The following PLA2G4F variants were observed in gnomAD, a reference collection of about 807,000 sequenced individuals.
The protein encoded by PLA2G4F is cytosolic phospholipase A2 zeta.
A neutral mutation model predicts 103.1 loss-of-function variants in PLA2G4F; 105 were observed. That is an observed-to-expected ratio of 1.02 (90% CI 0.87 to 1.20). PLA2G4F has a LOEUF of 1.20. Ranked by LOEUF, PLA2G4F falls within the 50% of genes most tolerant of loss-of-function variation. The pLI is 0.00. For synonymous variants in PLA2G4F, 468 were observed against 441.1 expected (o/e 1.06, Z -0.76); for missense variants, 1,155 against 1,075.9 (o/e 1.07, Z -1.03).
At chr15:42,152,870 G>A (rs994732386) in intron 6 of PLA2G4F, 116 bp from the exon 7 acceptor site, 134 of 968,294 alleles carry the variant, frequency 1.4e-4, no homozygotes, top group Non-Finnish European at 2.9e-5. Flanking sequence ...ATCCAGGATG[G>A]AGGGAGGGAG....
At position 42,147,435 on chromosome 15, in the gene PLA2G4F, C is replaced by T. The variant is rs538061235; in HGVS notation, c.1197-89G>A. 2,362 of 1,418,792 alleles carry T rather than the reference C, an allele frequency of 1.7e-3. 3 individuals carry two copies. Among genetic ancestry groups the T allele is most frequent in the Non-Finnish European group, 2.2e-3 (2,250 of 1,030,684 alleles). 87.9% of individuals were successfully genotyped at this position (1,418,792 alleles called of 1,614,324 possible). A position where few individuals can be genotyped will look rare whatever the true frequency, so the allele number is the denominator to read the frequency against. On this transcript the variant is annotated intron_variant, in intron 12 of 19. Coordinates refer to ENST00000397272, the MANE Select transcript of PLA2G4F (RefSeq NM_213600.4). Reference sequence around the variant, plus strand: ...AGAGTCTGTGAGTGGCCCTCCACCCCCACCACTTGCACTGCTGCCCTGCAA... The same window carrying T: ...AGAGTCTGTGAGTGGCCCTCCACCCTCACCACTTGCACTGCTGCCCTGCAA...
rs1321838416 is a variant in PLA2G4F, at chr15:42,143,178, A to T, written c.2143-464T>A. On this transcript the variant is annotated intron_variant, in intron 18 of 19. Transcript: ENST00000397272. Reference sequence around the variant, plus strand: ...TGGTGACAGAGTGAGACTCCATCTAAAAAAAAAAAAAAAAAAAAAAAAAAA... The same window carrying T: ...TGGTGACAGAGTGAGACTCCATCTATAAAAAAAAAAAAAAAAAAAAAAAAA... 4.9e-3 allele frequency among the ~76,000 whole-genome samples: 289 copies of T among 59,456 alleles called. 5 individuals are homozygous for T. Among genetic ancestry groups the T allele is most frequent in the African/African-American group, 0.014 (276 of 19,522 alleles). The allele number at this position is 59,456 out of a possible 152,430, so 39.0% of individuals were successfully genotyped here.
In PLA2G4F at chr15:42,155,266, C is replaced by T. The variant is rs566712151; in HGVS notation, c.184+251G>A. 6.6e-5 allele frequency among the ~76,000 whole-genome samples: 10 copies of T among 151,992 alleles called. No homozygotes were observed. In the East Asian group the frequency reaches 1.9e-3, roughly 29 times the overall value. On this transcript the variant is annotated intron_variant, in intron 2 of 19. Transcript: ENST00000397272. ...ATACACACTCGTGTTCCCACACACT[C>T]GCACTCACATGTTTACACCACATAT...
rs377586723 is a variant in PLA2G4F at position 42,151,438 on chromosome 15, G to A, written c.602-661C>T. ...CTTCCCAGCAGCTTTCTGGGGAGGAGGCCAGACCCCAGGGAGAAATGGCTG... is the reference window on the plus strand; with the variant it reads ...CTTCCCAGCAGCTTTCTGGGGAGGAAGCCAGACCCCAGGGAGAAATGGCTG... On this transcript the variant is annotated intron_variant, in intron 7 of 19. Coordinates refer to ENST00000397272, the MANE Select transcript of PLA2G4F (RefSeq NM_213600.4). 4.2e-5 allele frequency: 41 copies of A among 985,310 alleles called. No individual in the cohort carries two copies. In the African/African-American group the frequency reaches 6.8e-4, roughly 16 times the overall value. The allele number at this position is 985,310 out of a possible 1,614,324, so 61.0% of individuals were successfully genotyped here. A position where few individuals can be genotyped will look rare whatever the true frequency, so the allele number is the denominator to read the frequency against.
At chr15:42,149,927 G>A in intron 10 of PLA2G4F, 79 bp from the exon 11 acceptor site, 2 of 1,560,114 alleles carry the variant, frequency 1.3e-6, no homozygotes, top group Non-Finnish European at 1.8e-6. Context: ...CCCAGCCCAG[G>A]TCTTTCACAG....
In PLA2G4F at chr15:42,150,705, G is replaced by A. The variant is rs2140811573; in HGVS notation, c.674C>T (p.Thr225Ile). The change falls in exon 8 of 20, where the codon ACA (threonine) becomes ATA (isoleucine). Residue 225 changes from threonine (T) to isoleucine (I), a missense_variant. By Grantham distance (89) the Thr-to-Ile change is moderately conservative. This residue lies in a region of PLA2G4F where 370 missense variants were observed against 364.9 expected (regional missense o/e 1.01). Transcript: ENST00000397272. ...AAAGGTGGGTGGGAGGCCTGGCTCT[G>A]TGGGAGGCTGCAGGGGCAAGAGCTG... ...KPQLLPLQPP[T>I]EPGLPPTFTF... The A allele has an allele frequency of 6.2e-7, 1 of 1,613,462 alleles. No individual in the cohort carries two copies. The highest frequency in any genetic ancestry group is 8.5e-7 in the Non-Finnish European group (1 of 1,179,832).
At chr15:42,153,105 G>C (rs968079431) in intron 6 of PLA2G4F, among the ~76,000 whole-genome samples, 195 bp downstream of exon 6, 1 of 152,206 alleles carries the variant, frequency 6.6e-6, no homozygotes, top group African/African-American at 2.4e-5. Context: ...GGGAGTAGGA[G>C]GCTGAGGTCC....
chr15:42,142,754 C>A, intron 18 of PLA2G4F, 40 bp from the exon 19 acceptor site: 1 of 1,606,450 alleles, frequency 6.2e-7, no homozygotes, highest in Non-Finnish European at 8.5e-7. Flanking sequence ...TTTCCTCCAC[C>A]CTGGCCACTC....
chr15:42,141,886 C>A lies in PLA2G4F; in HGVS notation c.*98G>T. On this transcript the variant is annotated 3_prime_UTR_variant, in exon 20 of 20. Coordinates refer to ENST00000397272, the MANE Select transcript of PLA2G4F (RefSeq NM_213600.4). ...AGGCAGGTCCTGGAGAGAAGGGAAG[C>A]AGATCCTGCACAGAGTCCCCATCGC... 1 of 1,267,280 alleles carries A rather than the reference C, an allele frequency of 7.9e-7. No individual in the cohort carries two copies. The allele number at this position is 1,267,280 out of a possible 1,614,324, so 78.5% of individuals were successfully genotyped here.
Position 42,141,056 on chromosome 15 carries a change from G to A in PLA2G4F, c.*928C>T. ...AGACCCATTGGATGCATCTGGGAAAGAGGCAAGAGCCCAGGCGAGGCTCCC... is the reference window on the plus strand; with the variant it reads ...AGACCCATTGGATGCATCTGGGAAAAAGGCAAGAGCCCAGGCGAGGCTCCC... On this transcript the variant is annotated 3_prime_UTR_variant, in exon 20 of 20. Transcript: ENST00000397272. The A allele has an allele frequency of 5.7e-6, 2 of 353,172 alleles. No homozygotes were observed. Among genetic ancestry groups the A allele is most frequent in the Non-Finnish European group, 5.6e-6 (1 of 177,356 alleles). 21.9% of individuals were successfully genotyped at this position (353,172 alleles called of 1,614,324 possible).
In PLA2G4F at chr15:42,142,548, A is replaced by T; in HGVS notation, c.2309T>A (p.Phe770Tyr). 4 of 1,613,814 alleles carry T rather than the reference A, an allele frequency of 2.5e-6. No individual in the cohort carries two copies. The highest frequency in any genetic ancestry group is 3.4e-6 in the Non-Finnish European group (4 of 1,179,850). ...VLHFPLVNRT[F>Y]RTHLAPGVER... Reference sequence around the variant, plus strand: ...CTTACCTGGGGCCAGGTGTGTGCGGAAGGTACGGTTAACCAGGGGGAAGTG... The same window carrying T: ...CTTACCTGGGGCCAGGTGTGTGCGGTAGGTACGGTTAACCAGGGGGAAGTG... Residue 770 changes from phenylalanine (F) to tyrosine (Y), a missense_variant, in exon 19 of 20, where the codon TTC (phenylalanine) becomes TAC (tyrosine). Around this residue, in one of 3 missense-constraint regions of PLA2G4F, gnomAD observed 782 missense variants for 692.9 expected, o/e 1.13. Coordinates refer to ENST00000397272, the MANE Select transcript of PLA2G4F (RefSeq NM_213600.4).
Position 42,147,366 on chromosome 15 carries a change from C to T in PLA2G4F, c.1197-20G>A. The stretch of plus-strand genomic sequence containing the variant: ...ATGCACCTGGGGATTGGAGGTGTGC[C>T]TGAGTCAGGGGCAGGAGAGCACAGC... On this transcript the variant is annotated intron_variant, in intron 12 of 19. Transcript: ENST00000397272. The T allele has an allele frequency of 1.3e-6, 2 of 1,596,660 alleles. No individual in the cohort carries two copies. Among genetic ancestry groups the T allele is most frequent in the Non-Finnish European group, 1.7e-6 (2 of 1,175,322 alleles).
intron 11 of PLA2G4F, among the ~76,000 whole-genome samples, chr15:42,149,320 C>T (rs1013305298): frequency 3.3e-5 from 5 of 152,132 alleles, no homozygotes; most frequent in Admixed American, 1.3e-4. Context: ...CCAAGGCGCA[C>T]GCTCTGCACA....
chr15:42,151,495 C>G (rs997363113), intron 7 of PLA2G4F: 52 of 985,148 alleles, frequency 5.3e-5, no homozygotes, highest in Non-Finnish European at 6.1e-5. Flanking sequence ...GGGCCGCAGA[C>G]AGCCTCCCAG....
At chr15:42,144,790 C>T (rs1035836765) in intron 16 of PLA2G4F, 146 bp from the exon 17 acceptor site, 1 of 829,520 alleles carries the variant, frequency 1.2e-6, no homozygotes, top group East Asian at 3.0e-5. Flanking sequence ...AAGCCTCTGA[C>T]CAATGCTTCA....
chr15:42,150,904 G>A (rs909274055), intron 7 of PLA2G4F, 127 bp from the exon 8 acceptor site: 62 of 1,473,030 alleles, frequency 4.2e-5, no homozygotes, highest in South Asian at 8.3e-5. Context: ...AGCTCTTATC[G>A]CCCGCTCTCT....
chr15:42,155,750 G>A (rs1303473009), intron 1 of PLA2G4F, among the ~76,000 whole-genome samples, 161 bp from the exon 2 acceptor site: 1 of 152,160 alleles, frequency 6.6e-6, no homozygotes, highest in East Asian at 1.9e-4. Flanking sequence ...GGCATTGGGA[G>A]TTCAGCACCT....
At chr15:42,155,438 T>G (rs1162105461) in intron 2 of PLA2G4F, 79 bp downstream of exon 2, 23 of 1,460,812 alleles carry the variant, frequency 1.6e-5, no homozygotes, top group Admixed American at 8.5e-5. Context: ...ACACACACTC[T>G]CTGTTAGCCA....
chr15:42,154,037 T>G (rs1385944606), intron 4 of PLA2G4F, 55 bp downstream of exon 4: 2 of 1,609,944 alleles, frequency 1.2e-6, no homozygotes, highest in African/African-American at 2.7e-5. Flanking sequence ...TTGGTGGCCC[T>G]GTGCTGGGCC....
Sources: allele counts gnomAD v4.1 joint callset (sites outside exome capture counted in the v4.1 genomes callset), GRCh38; gene constraint gnomAD v4.1.1; regional missense constraint gnomAD v4.1.1; transcripts MANE v1.5; gene names NCBI Gene and HGNC (gene_info 2026-07-23, HGNC 2026-07-21).